The following FNDC3B variants were observed in gnomAD, a reference collection of about 807,000 sequenced individuals.
The protein encoded by FNDC3B is fibronectin type III domain containing 3B.
Under a neutral mutation model 151.5 loss-of-function variants are expected in FNDC3B, and 12 were observed. The observed-to-expected ratio is 0.08, with a 90% CI of 0.05 to 0.13. The LOEUF (loss-of-function observed/expected upper bound fraction) is 0.13, where lower values mean the gene tolerates loss of function less well. Among genes scored for constraint, FNDC3B ranks in the 10% least tolerant of loss-of-function variants. The probability of loss-of-function intolerance (pLI) is 1.00; values close to 1 mark genes in which losing one functional copy is unlikely to be tolerated. For missense variants in FNDC3B, 1,214 were observed against 1,505.3 expected, an observed-to-expected ratio of 0.81 and a Z score of 3.20; for synonymous variants, 528 against 549.0, an observed-to-expected ratio of 0.96 and a Z score of 0.54.
intron 3 of FNDC3B, among the ~76,000 whole-genome samples, chr3:172,141,586 G>A (rs527252367): frequency 9.9e-5 from 15 of 152,208 alleles, no homozygotes; most frequent in Non-Finnish European, 1.0e-4. Context: ...CTGTAATCCC[G>A]ACACTTTGGG....
At chr3:172,059,550 A>G (rs1717085809) in intron 1 of FNDC3B, among the ~76,000 whole-genome samples, 1 of 143,718 alleles carries the variant, frequency 7.0e-6, no homozygotes, top group Non-Finnish European at 1.5e-5. Context: ...GACTTTATGG[A>G]TTATTAACTG....
intron 1 of FNDC3B, chr3:172,046,873 C>T (rs529825022): frequency 6.6e-6 from 1 of 152,278 alleles, no homozygotes; most frequent in Non-Finnish European, 1.5e-5. Flanking sequence ...ATGGAATGTT[C>T]TACTCTGTTC....
At chr3:172,327,409 G>A (rs1164472519) in intron 11 of FNDC3B, among the ~76,000 whole-genome samples, 1 of 152,030 alleles carries the variant, frequency 6.6e-6, no homozygotes, top group Non-Finnish European at 1.5e-5. Flanking sequence ...GGGGGGCGGG[G>A]CGGGGCAGGA....
rs777973075 is a variant in FNDC3B, at chr3:172,341,143, C to T, written c.1883C>T (p.Ser628Leu). ...CAGTGGGAAGTGGCCTACAGTGGGTCGGCTACCGAATACACCTTCACCCAC... is the reference window on the plus strand; with the variant it reads ...CAGTGGGAAGTGGCCTACAGTGGGTTGGCTACCGAATACACCTTCACCCAC... ...ANQWEVAYSG[S>L]ATEYTFTHLK... The change falls in exon 17 of 26, where the codon TCG (serine) becomes TTG (leucine). Residue 628 changes from serine (S) to leucine (L), a missense_variant. Ser to Leu is a moderately radical substitution (Grantham distance 145). Transcript: ENST00000415807. The T allele has an allele frequency of 1.9e-5, 31 of 1,613,874 alleles. No homozygotes were observed. The highest frequency in any genetic ancestry group is 2.0e-5 in the Non-Finnish European group (24 of 1,179,886).
chr3:172,284,991 A>G (rs1729935618), intron 6 of FNDC3B, among the ~76,000 whole-genome samples: 1 of 152,068 alleles, frequency 6.6e-6, no homozygotes, highest in Admixed American at 6.5e-5. Flanking sequence ...CTTAAGTTCT[A>G]TCACTTATCT....
intron 1 of FNDC3B, among the ~76,000 whole-genome samples, chr3:172,089,676 A>G (rs1718711380): frequency 6.6e-6 from 1 of 152,212 alleles, no homozygotes; most frequent in Non-Finnish European, 1.5e-5. Flanking sequence ...GGAACATTAA[A>G]AAAATCAAGA....
intron 23 of FNDC3B, among the ~76,000 whole-genome samples, chr3:172,364,490 A>G (rs1407494819): frequency 1.3e-5 from 2 of 152,222 alleles, no homozygotes; most frequent in South Asian, 4.1e-4. Flanking sequence ...CTCCACTGCC[A>G]TCTTAGAAAT....
rs1011681309 is a variant in FNDC3B, at chr3:172,147,045, C to T, written c.187+13499C>T. 3.3e-5 allele frequency among the ~76,000 whole-genome samples: 5 copies of T among 152,086 alleles called. No homozygotes were observed. In the South Asian group the frequency reaches 6.2e-4, roughly 19 times the overall value. ...TGAGAAGGCCAGGCGTGGTGCCTCA[C>T]GCCTGTAATCAGCACCGTGGGAGGC... On this transcript the variant is annotated intron_variant, in intron 3 of 25. Transcript: ENST00000415807.
At chr3:172,070,895 C>T (rs1717743596) in intron 1 of FNDC3B, among the ~76,000 whole-genome samples, 1 of 152,040 alleles carries the variant, frequency 6.6e-6, no homozygotes, top group African/African-American at 2.4e-5. Flanking sequence ...CAGATAAGTT[C>T]TTTCGGAAAT....
intron 2 of FNDC3B, among the ~76,000 whole-genome samples, chr3:172,127,469 C>T (rs1720857495): frequency 6.6e-6 from 1 of 152,140 alleles, no homozygotes; most frequent in South Asian, 2.1e-4. Flanking sequence ...TTCTTCAAGC[C>T]TCAGTTTCCC....
chr3:172,242,069 T>A (rs750212612), intron 4 of FNDC3B, among the ~76,000 whole-genome samples: 2 of 152,164 alleles, frequency 1.3e-5, no homozygotes, highest in African/African-American at 4.8e-5. Context: ...AGTGGGACAG[T>A]CAAATCTTAA....
At position 172,058,835 on chromosome 3, in the gene FNDC3B, A is replaced by G. The variant is rs150595544; in HGVS notation, c.-29+19064A>G. Among the ~76,000 whole-genome samples, 13 of 152,298 alleles carry G rather than the reference A, an allele frequency of 8.5e-5. No individual in the cohort carries two copies. The East Asian group carries it at 1.7e-3, about 20-fold the overall frequency. Reference sequence around the variant, plus strand: ...ACTTCCGGTCATATATTTGTTTTGTATTGACTGTACATATAGAGCTTCTTT... The same window carrying G: ...ACTTCCGGTCATATATTTGTTTTGTGTTGACTGTACATATAGAGCTTCTTT... On this transcript the variant is annotated intron_variant, in intron 1 of 25. Coordinates refer to ENST00000415807, the MANE Select transcript of FNDC3B (RefSeq NM_022763.4).
chr3:172,198,213 C>T (rs192528022), intron 3 of FNDC3B, among the ~76,000 whole-genome samples: 2 of 77,950 alleles, frequency 2.6e-5, no homozygotes, highest in East Asian at 7.4e-4. Context: ...AGCCATTTCT[C>T]TAAGAAGTCC....
At chr3:172,261,170 G>A (rs750038262) in intron 6 of FNDC3B, among the ~76,000 whole-genome samples, 4 of 152,098 alleles carry the variant, frequency 2.6e-5, no homozygotes, top group Non-Finnish European at 4.4e-5. Flanking sequence ...GCTACATTGC[G>A]GAAGGGGTCA....
In FNDC3B at chr3:172,132,467, G is replaced by A. The variant is rs374284025; in HGVS notation, c.112-1004G>A. Among the ~76,000 whole-genome samples the A allele has an allele frequency of 2.9e-4, 44 of 152,278 alleles. No homozygotes were observed. In the East Asian group the frequency reaches 7.3e-3, roughly 25 times the overall value. ...GTCACCTAGGCTGGAGTGCAGTGGT[G>A]TGATCTAGGCTTGCCACAACTTCCG... is the stretch of plus-strand genomic sequence containing the variant. On this transcript the variant is annotated intron_variant, in intron 2 of 25. Transcript: ENST00000415807.
chr3:172,309,856 T>C (rs1344456655), intron 10 of FNDC3B, among the ~76,000 whole-genome samples: 1 of 152,226 alleles, frequency 6.6e-6, no homozygotes, highest in Admixed American at 6.5e-5. Flanking sequence ...TTGATATTGA[T>C]ATTAAACAGC....
intron 25 of FNDC3B, among the ~76,000 whole-genome samples, chr3:172,391,319 T>C (rs1735996072): frequency 6.6e-6 from 1 of 152,186 alleles, no homozygotes; most frequent in East Asian, 1.9e-4. Flanking sequence ...CTCAACCTCC[T>C]TTGGAGTAGT....
At chr3:172,257,007 T>C (rs918287084) in intron 6 of FNDC3B, among the ~76,000 whole-genome samples, 3 of 151,942 alleles carry the variant, frequency 2.0e-5, no homozygotes, top group African/African-American at 7.3e-5. Flanking sequence ...TTCGGCTCAC[T>C]GAGACCTCCA....
intron 23 of FNDC3B, among the ~76,000 whole-genome samples, chr3:172,367,598 T>C (rs957563749): frequency 2.0e-5 from 3 of 152,220 alleles, no homozygotes; most frequent in Non-Finnish European, 4.4e-5. Context: ...AGCTTGTGCA[T>C]TTTAAGATTG....
Sources: gnomAD v4.1 joint callset for allele counts (sites outside exome capture counted in the v4.1 genomes callset) on GRCh38, gnomAD v4.1.1 for gene constraint, MANE v1.5 for transcripts, NCBI Gene and HGNC (gene_info 2026-07-23, HGNC 2026-07-21) for gene names.